IGF1R: variants seen among roughly 807,000 people sequenced by gnomAD.
The protein encoded by IGF1R is insulin-like growth factor 1 receptor.
A neutral mutation model predicts 144.6 loss-of-function variants in IGF1R; 44 were observed. The observed-to-expected ratio is 0.30, with a 90% CI of 0.24 to 0.39. The LOEUF (loss-of-function observed/expected upper bound fraction) is 0.39. IGF1R is among the 10% of genes least tolerant of loss of function. The pLI is 1.00. For missense variants in IGF1R, 1,355 were observed against 1,833.7 expected (o/e 0.74, Z 4.77); for synonymous variants, 795 against 722.8 (o/e 1.10, Z -1.60).
At chr15:98,754,350 T>C (rs1263100242) in intron 2 of IGF1R, among the ~76,000 whole-genome samples, 2 of 152,216 alleles carry the variant, frequency 1.3e-5, no homozygotes, top group Non-Finnish European at 2.9e-5. Context: ...CCTTTTCTCA[T>C]TGTCCAAAAG....
chr15:98,899,018 C>T (rs2014340156), intron 4 of IGF1R, among the ~76,000 whole-genome samples: 1 of 152,156 alleles, frequency 6.6e-6, no homozygotes, highest in Non-Finnish European at 1.5e-5. Context: ...TAAAATGGAA[C>T]CTTTAAATAT....
At chr15:98,810,843 C>A (rs2056574251) in intron 2 of IGF1R, among the ~76,000 whole-genome samples, 1 of 151,508 alleles carries the variant, frequency 6.6e-6, no homozygotes. Flanking sequence ...CCACCACGCC[C>A]AGCCTCTAAA....
At chr15:98,908,981 C>T in intron 6 of IGF1R, 82 bp downstream of exon 6, 1 of 1,250,566 alleles carries the variant, frequency 8.0e-7, no homozygotes, top group Non-Finnish European at 1.1e-6. Context: ...TGGCAGCTTT[C>T]CTCTGCGGCC....
rs766238292 is a variant in IGF1R at position 98,935,812 on chromosome 15, TCA to T, written c.3297+389_3297+390del. Among the ~76,000 whole-genome samples the T allele has an allele frequency of 6.6e-6, 1 of 152,152 alleles. No homozygotes were observed. Among genetic ancestry groups the T allele is most frequent in the Non-Finnish European group, 1.5e-5 (1 of 68,032 alleles). On this transcript the variant is annotated intron_variant, in intron 17 of 20. Coordinates refer to ENST00000650285, the MANE Select transcript of IGF1R (RefSeq NM_000875.5). This position sits in a 1 kb window ranked among gnomAD's most constrained non-coding sequence, Gnocchi z 4.2. ...CTGCTAACTTCTCGATGCGCTTGAC[TCA>T]CATCCTCGTATGTGTTCTCTCTCGT... is the stretch of plus-strand genomic sequence containing the variant.
At position 98,704,894 on chromosome 15, in the gene IGF1R, A is replaced by G. The variant is rs1466085563; in HGVS notation, c.95-2668A>G. Among the ~76,000 whole-genome samples, 6 of 152,122 alleles carry G rather than the reference A, an allele frequency of 3.9e-5. No homozygotes were observed. The highest frequency in any genetic ancestry group is 8.8e-5 in the Non-Finnish European group (6 of 68,028). The stretch of plus-strand genomic sequence containing the variant: ...CCTGAGGTCTGTTGCTGGACTAGAT[A>G]TGTGAGGTGTGAGAGGAGAGAAGAA... On this transcript the variant is annotated intron_variant, in intron 1 of 20. Transcript: ENST00000650285. The surrounding 1 kb of genome is among the most constrained non-coding windows in gnomAD (Gnocchi z 4.9).
At chr15:98,833,438 C>A (rs536534907) in intron 2 of IGF1R, among the ~76,000 whole-genome samples, 1 of 152,314 alleles carries the variant, frequency 6.6e-6, no homozygotes, top group African/African-American at 2.4e-5. Context: ...GTATTTCCAT[C>A]AGCTATTTTG....
intron 2 of IGF1R, among the ~76,000 whole-genome samples, chr15:98,762,238 C>CTTTTTT (rs5814898): frequency 5.2e-5 from 5 of 95,828 alleles, no homozygotes; most frequent in African/African-American, 1.6e-4. Flanking sequence ...CTTTTCTTTT[C>CTTTTTT]TTTTTTTTTT....
chr15:98,797,102 A>G (rs1294507839), intron 2 of IGF1R, among the ~76,000 whole-genome samples: 1 of 152,216 alleles, frequency 6.6e-6, no homozygotes, highest in African/African-American at 2.4e-5. Flanking sequence ...ACACAGAGTT[A>G]CATTTCGTTG....
chr15:98,762,322 C>T (rs1035364731), intron 2 of IGF1R, among the ~76,000 whole-genome samples: 6 of 150,352 alleles, frequency 4.0e-5, no homozygotes, highest in African/African-American at 1.5e-4. Flanking sequence ...ATCGCAGCCT[C>T]AAACTCCTGG....
rs185611369 is a variant in IGF1R at position 98,655,103 on chromosome 15, C to T, written c.94+5428C>T. ...ATGTACACATCCCCTCATGCCTGCA[C>T]CCCCATCCCCGAGGGTCTGGAAAAG... On this transcript the variant is annotated intron_variant, in intron 1 of 20. Transcript: ENST00000650285. Among the ~76,000 whole-genome samples the T allele has an allele frequency of 2.2e-4, 33 of 152,278 alleles. No homozygotes were observed. The East Asian group carries it at 6.0e-3, about 28-fold the overall frequency.
intron 2 of IGF1R, among the ~76,000 whole-genome samples, chr15:98,754,539 C>T (rs904078761): frequency 7.2e-5 from 11 of 152,166 alleles, no homozygotes; most frequent in Non-Finnish European, 1.3e-4. Flanking sequence ...CTTTGACTCA[C>T]GCTGGCAGCT....
At chr15:98,712,741 C>T (rs1219547865) in intron 2 of IGF1R, among the ~76,000 whole-genome samples, 2 of 151,752 alleles carry the variant, frequency 1.3e-5, no homozygotes, top group African/African-American at 4.8e-5. Flanking sequence ...TCCTGAGTAG[C>T]TGGGATTACA....
chr15:98,847,869 T>C (rs1199894346), intron 2 of IGF1R, among the ~76,000 whole-genome samples: 1 of 152,104 alleles, frequency 6.6e-6, no homozygotes, highest in Non-Finnish European at 1.5e-5. Context: ...AGGAGGAAGA[T>C]GATGGGTGTG....
intron 2 of IGF1R, among the ~76,000 whole-genome samples, chr15:98,805,793 C>A (rs1293013246): frequency 6.6e-6 from 1 of 152,214 alleles, no homozygotes; most frequent in Admixed American, 6.5e-5. Context: ...TGAACTGTTG[C>A]TACTCATAAC....
intron 20 of IGF1R, among the ~76,000 whole-genome samples, chr15:98,951,766 C>G (rs1229086681): frequency 6.6e-6 from 1 of 151,266 alleles, no homozygotes; most frequent in Non-Finnish European, 1.5e-5. Context: ...GCTGGCTTCT[C>G]TGAGTGCAGA....
chr15:98,774,544 A>G (rs974990144), intron 2 of IGF1R, among the ~76,000 whole-genome samples: 2 of 152,212 alleles, frequency 1.3e-5, no homozygotes, highest in African/African-American at 4.8e-5. Flanking sequence ...GACACATGCA[A>G]CAGCGTGAAT....
intron 2 of IGF1R, among the ~76,000 whole-genome samples, chr15:98,783,441 A>T (rs573275539): frequency 6.6e-6 from 1 of 152,334 alleles, no homozygotes; most frequent in African/African-American, 2.4e-5. Flanking sequence ...TTCCATCAGC[A>T]TAATTCCTTA....
At chr15:98,668,714 T>C (rs1446416065) in intron 1 of IGF1R, among the ~76,000 whole-genome samples, 1 of 152,214 alleles carries the variant, frequency 6.6e-6, no homozygotes, top group Non-Finnish European at 1.5e-5. Context: ...CTCTGTTCCA[T>C]GTAAGTACAT....
intron 1 of IGF1R, among the ~76,000 whole-genome samples, chr15:98,706,627 T>C (rs1388648466): frequency 6.6e-6 from 1 of 151,970 alleles, no homozygotes. Flanking sequence ...GTATTAATAC[T>C]CTGGAACTAC....
Sources: gnomAD v4.1 joint callset for allele counts (sites outside exome capture counted in the v4.1 genomes callset) on GRCh38, gnomAD v4.1.1 for gene constraint, Gnocchi (gnomAD v3.1) non-coding constraint, MANE v1.5 for transcripts, NCBI Gene and HGNC (gene_info 2026-07-23, HGNC 2026-07-21) for gene names.